Variants in SLC12A3 observed in about 807,000 individuals in gnomAD.
SLC12A3 encodes the protein Na-Cl cotransporter.
SLC12A3 carries 104 observed loss-of-function variants against 121.0 expected under a neutral mutation model. The ratio of observed to expected loss-of-function variants is 0.86; its 90% confidence interval spans 0.73 to 1.01. The LOEUF is 1.01. SLC12A3 is among the 50% of genes least tolerant of loss of function. The pLI, the probability that SLC12A3 is intolerant of heterozygous loss-of-function variation, is 0.00. For missense variants in SLC12A3, 1,328 were observed against 1,356.3 expected (o/e 0.98, Z 0.33); for synonymous variants, 536 against 533.4 (o/e 1.00, Z -0.07).
chr16:56,871,054 C>T (rs1333664427), intron 6 of SLC12A3, among the ~76,000 whole-genome samples: 2 of 152,170 alleles, frequency 1.3e-5, no homozygotes, highest in East Asian at 3.9e-4. Context: ...AGGCTGGTCT[C>T]AAACTCTTGA....
intron 23 of SLC12A3, among the ~76,000 whole-genome samples, chr16:56,901,679 C>A (rs1009064689): frequency 1.2e-4 from 17 of 139,198 alleles, no homozygotes; most frequent in African/African-American, 4.1e-4. Context: ...TGAGTCACAT[C>A]GCACAGAAGA....
chr16:56,887,395 C>T (rs559802231), intron 17 of SLC12A3, among the ~76,000 whole-genome samples: 17 of 151,958 alleles, frequency 1.1e-4, no homozygotes, highest in Admixed American at 2.6e-4. Flanking sequence ...TTAGTAGAGA[C>T]GGGGTTTCAC....
rs200340853 is a variant in SLC12A3 at position 56,908,109 on chromosome 16, C to CTT, written c.2924+3659_2924+3660dup. ...CCGATGTCCCCAGTGCCAGTGTGTGCTTTTTTTTTTTTTAAAGAATGATTG... is the reference window on the plus strand; with the variant it reads ...CCGATGTCCCCAGTGCCAGTGTGTGCTTTTTTTTTTTTTTTAAAGAATGATTG... On this transcript the variant is annotated intron_variant, in intron 25 of 25. Transcript: ENST00000563236. 3.1e-3 allele frequency among the ~76,000 whole-genome samples: 406 copies of CTT among 129,276 alleles called. 5 individuals are homozygous for CTT. In the South Asian group the frequency reaches 0.033, roughly 10 times the overall value. The allele number at this position is 129,276 out of a possible 152,430, so 84.8% of individuals were successfully genotyped here.
At chr16:56,895,359 T>C (rs1362867601) in intron 22 of SLC12A3, among the ~76,000 whole-genome samples, 1 of 150,532 alleles carries the variant, frequency 6.6e-6, no homozygotes, top group Non-Finnish European at 1.5e-5. Context: ...GCCCAGATAG[T>C]TTTTTTGTAT....
chr16:56,870,760 G>T, intron 6 of SLC12A3, 24 bp downstream of exon 6: 4 of 1,458,292 alleles, frequency 2.7e-6, no homozygotes, highest in Non-Finnish European at 3.9e-6. Context: ...GGAGGAGGGG[G>T]ACATGGAGGT....
chr16:56,888,793 C>T (rs984698881), intron 18 of SLC12A3, among the ~76,000 whole-genome samples: 3 of 151,994 alleles, frequency 2.0e-5, no homozygotes, highest in Non-Finnish European at 2.9e-5. Context: ...CTCCTGACCT[C>T]GTGATCCGCC....
Position 56,892,007 on chromosome 16 carries a change from G to A in SLC12A3, c.2369-76G>A, listed in dbSNP as rs192588296. 2.1e-5 allele frequency: 23 copies of A among 1,078,876 alleles called. No homozygotes were observed. The East Asian group carries it at 3.1e-4, about 14-fold the overall frequency. The allele number at this position is 1,078,876 out of a possible 1,614,324, so 66.8% of individuals were successfully genotyped here. A position where few individuals can be genotyped will look rare whatever the true frequency, so the allele number is the denominator to read the frequency against. On this transcript the variant is annotated intron_variant, in intron 19 of 25. Coordinates refer to ENST00000563236, the MANE Select transcript of SLC12A3 (RefSeq NM_001126108.2). ...CGGGACTTTCTTCCTAGCATTAAGG[G>A]AGCCCTGTCAAGGAGGAACCCACGG...
In SLC12A3 at chr16:56,908,842, G is replaced by C. The variant is rs147159022; in HGVS notation, c.2924+4380G>C. 2.6e-4 allele frequency among the ~76,000 whole-genome samples: 39 copies of C among 152,374 alleles called. 2 individuals carry two copies. The East Asian group carries it at 7.3e-3, about 29-fold the overall frequency. On this transcript the variant is annotated intron_variant, in intron 25 of 25. Coordinates refer to ENST00000563236, the MANE Select transcript of SLC12A3 (RefSeq NM_001126108.2). ...GCGCTGGGTCCGAGCGCAAGACAGT[G>C]GAAATGGCTTTGTCCTGGGACGCCT...
chr16:56,894,401 T>C (rs1474977697), intron 21 of SLC12A3, 130 bp from the exon 22 acceptor site: 2 of 718,254 alleles, frequency 2.8e-6, no homozygotes, highest in Non-Finnish European at 5.1e-6. Flanking sequence ...ATGTTCATTA[T>C]ACAGATGGGT....
chr16:56,878,948 C>A, intron 9 of SLC12A3, 125 bp from the exon 10 acceptor site: 1 of 1,122,468 alleles, frequency 8.9e-7, no homozygotes, highest in Non-Finnish European at 1.3e-6. Flanking sequence ...TCATCATTAT[C>A]ATTGCATAAT....
At chr16:56,908,304 C>T (rs1370931424) in intron 25 of SLC12A3, among the ~76,000 whole-genome samples, 4 of 151,664 alleles carry the variant, frequency 2.6e-5, no homozygotes, top group Non-Finnish European at 5.9e-5. Context: ...CCACCTCGCC[C>T]GGCTAATTTT....
At position 56,887,004 on chromosome 16, in the gene SLC12A3, A is replaced by G; in HGVS notation, c.2089A>G (p.Thr697Ala). 1 of 1,613,828 alleles carries G rather than the reference A, an allele frequency of 6.2e-7. No homozygotes were observed. The part of the protein sequence containing the change: ...PELQLIANGH[T>A]KWLNKRKIKA... Reference sequence around the variant, plus strand: ...GCTCCAGCTCATCGCCAACGGGCACACCAAGTGGCTGAACAAGAGGAAGAT... The same window carrying G: ...GCTCCAGCTCATCGCCAACGGGCACGCCAAGTGGCTGAACAAGAGGAAGAT... Residue 697 changes from threonine (T) to alanine (A), a missense_variant, in exon 17 of 26, where the codon ACC becomes GCC. Thr to Ala is a moderately conservative substitution (Grantham distance 58, BLOSUM62 0). Coordinates refer to ENST00000563236, the MANE Select transcript of SLC12A3 (RefSeq NM_001126108.2).
chr16:56,906,877 AG>A (rs1399632469), intron 25 of SLC12A3: 1 of 588,628 alleles, frequency 1.7e-6, no homozygotes, highest in Non-Finnish European at 3.2e-6. Context: ...AACAGAATGA[AG>A]GAAGTTAAGG....
chr16:56,903,571 G>A (rs1410588980), intron 24 of SLC12A3, among the ~76,000 whole-genome samples: 1 of 152,158 alleles, frequency 6.6e-6, no homozygotes, highest in East Asian at 1.9e-4. Context: ...CCACAACAAG[G>A]ACTTGTATGC....
At position 56,868,981 on chromosome 16, in the gene SLC12A3, A is replaced by T. The variant is rs531879931; in HGVS notation, c.505+609A>T. On this transcript the variant is annotated intron_variant, in intron 3 of 25. Transcript: ENST00000563236. ...AGTGTGAAACTCCATCTCAAAAAAAATAAAAAATAAAAAAGAAAGCTGCAT... is the reference window on the plus strand; with the variant it reads ...AGTGTGAAACTCCATCTCAAAAAAATTAAAAAATAAAAAAGAAAGCTGCAT... Among the ~76,000 whole-genome samples, 971 of 140,844 alleles carry T rather than the reference A, an allele frequency of 6.9e-3. 9 individuals carry two copies. The highest frequency in any genetic ancestry group is 0.025 in the African/African-American group (912 of 37,096). 92.4% of individuals were successfully genotyped at this position (140,844 alleles called of 152,430 possible).
Position 56,894,513 on chromosome 16 carries a change from G to T in SLC12A3, c.2522-18G>T, listed in dbSNP as rs774278391. 6.3e-7 allele frequency: 1 copy of T among 1,578,622 alleles called. No homozygotes were observed. ...TGAGTGTATTCTTGTCATGACTCAC[G>T]GGGACTCTCCTTGCCAGGCCTCACC... On this transcript the variant is annotated intron_variant, in intron 21 of 25. Transcript: ENST00000563236.
At chr16:56,866,819 G>A in intron 1 of SLC12A3, among the ~76,000 whole-genome samples, 1 of 152,156 alleles carries the variant, frequency 6.6e-6, no homozygotes, top group East Asian at 1.9e-4. Flanking sequence ...TGTTGCCCAG[G>A]CTGGTCTTGA....
At chr16:56,894,293 TGGCGCCC>T (rs1474203467) in intron 21 of SLC12A3, among the ~76,000 whole-genome samples, 3 of 152,114 alleles carry the variant, frequency 2.0e-5, no homozygotes, top group Non-Finnish European at 4.4e-5. Context: ...GCATGAGCCA[TGGCGCCC>T]GGCCGCCAGC....
Position 56,898,082 on chromosome 16 carries a change from T to C in SLC12A3, c.2634-1448T>C, listed in dbSNP as rs149437658. 2.4e-3 allele frequency among the ~76,000 whole-genome samples: 365 copies of C among 152,062 alleles called. 9 individuals carry two copies. The East Asian group carries it at 0.054, about 23-fold the overall frequency. ...CCCCCCTGCACCCCGATGCCTTCCC[T>C]CCTTTTGACTGTTCCCCACCAACCA... is the stretch of plus-strand genomic sequence containing the variant. On this transcript the variant is annotated intron_variant, in intron 22 of 25. Coordinates refer to ENST00000563236, the MANE Select transcript of SLC12A3 (RefSeq NM_001126108.2).
Sources: allele counts gnomAD v4.1 joint callset (sites outside exome capture counted in the v4.1 genomes callset), GRCh38; gene constraint gnomAD v4.1.1; transcripts MANE v1.5; gene names NCBI Gene and HGNC (gene_info 2026-07-23, HGNC 2026-07-21).